The following SDK1 variants were observed in gnomAD, a reference collection of about 807,000 sequenced individuals.
SDK1 encodes protein sidekick-1.
Under a neutral mutation model 245.5 loss-of-function variants are expected in SDK1, and 157 were observed. That is an observed-to-expected ratio of 0.64 (90% CI 0.56 to 0.73). The LOEUF (loss-of-function observed/expected upper bound fraction) is 0.73. Among genes scored for constraint, SDK1 ranks in the 30% least tolerant of loss-of-function variants. The probability of loss-of-function intolerance (pLI) is 0.00; values close to 1 mark genes in which losing one functional copy is unlikely to be tolerated. For missense variants in SDK1, 3,583 were observed against 3,002.3 expected (o/e 1.19, Z -4.52); for synonymous variants, 1,647 against 1,278.5 (o/e 1.29, Z -6.15).
intron 1 of SDK1, among the ~76,000 whole-genome samples, chr7:3,518,829 A>C (rs1291517965): frequency 6.6e-6 from 1 of 152,160 alleles, no homozygotes; most frequent in Non-Finnish European, 1.5e-5. Context: ...CAGTTTATCA[A>C]AGAGATACCT....
intron 4 of SDK1, among the ~76,000 whole-genome samples, chr7:3,741,987 C>CAT (rs142076799): frequency 0.13 from 17,230 of 131,882 alleles, 1,522 homozygotes; most frequent in East Asian, 0.31. Flanking sequence ...TTGTAGTGTG[C>CAT]ATATATATAT....
chr7:3,542,981 A>G (rs1158636241), intron 1 of SDK1, among the ~76,000 whole-genome samples: 2 of 152,208 alleles, frequency 1.3e-5, no homozygotes, highest in South Asian at 2.1e-4. Context: ...CCTGGTGCCA[A>G]GAGCCTCTTT....
At chr7:3,985,176 T>C (rs1410317590) in intron 13 of SDK1, among the ~76,000 whole-genome samples, 1 of 152,216 alleles carries the variant, frequency 6.6e-6, no homozygotes, top group East Asian at 1.9e-4. Flanking sequence ...CCAAGAAGCA[T>C]AAGCTCAGCT....
At chr7:3,819,159 G>A (rs1183919770) in intron 4 of SDK1, among the ~76,000 whole-genome samples, 1 of 151,746 alleles carries the variant, frequency 6.6e-6, no homozygotes, top group Non-Finnish European at 1.5e-5. Flanking sequence ...ACAAAGACTT[G>A]GTTTCTGGGA....
In SDK1 at chr7:4,033,976, ACT is replaced by A. The variant is rs370433023; in HGVS notation, c.2603-15370_2603-15369del. On this transcript the variant is annotated intron_variant, in intron 17 of 44. Coordinates refer to ENST00000404826, the MANE Select transcript of SDK1 (RefSeq NM_152744.4). ...ATCACAAAGGAAAAAAAACGGAGTAACTCGACCCTGGAGAAACCTGGCAGTGA... is the reference window on the plus strand; with the variant it reads ...ATCACAAAGGAAAAAAAACGGAGTAACGACCCTGGAGAAACCTGGCAGTGA... Among the ~76,000 whole-genome samples the A allele has an allele frequency of 2.7e-4, 41 of 152,272 alleles. 1 individual carries two copies. In the East Asian group the frequency reaches 6.2e-3, roughly 23 times the overall value.
At chr7:4,248,139 C>T (rs925795064) in intron 44 of SDK1, among the ~76,000 whole-genome samples, 12 of 152,134 alleles carry the variant, frequency 7.9e-5, no homozygotes, top group Non-Finnish European at 1.6e-4. Flanking sequence ...TAAGCATATA[C>T]ATTCACGTAT....
chr7:3,593,483 G>A (rs933552966), intron 1 of SDK1, among the ~76,000 whole-genome samples: 3 of 152,180 alleles, frequency 2.0e-5, no homozygotes, highest in Non-Finnish European at 4.4e-5. Flanking sequence ...ACTTCTACTT[G>A]TTTTGGAACA....
chr7:3,792,431 C>T (rs1781126012), intron 4 of SDK1, among the ~76,000 whole-genome samples: 1 of 152,224 alleles, frequency 6.6e-6, no homozygotes, highest in African/African-American at 2.4e-5. Flanking sequence ...AGGGCATGCA[C>T]CGTGACTTAT....
chr7:4,036,546 G>T (rs963196299), intron 17 of SDK1, among the ~76,000 whole-genome samples: 1 of 152,092 alleles, frequency 6.6e-6, no homozygotes, highest in Non-Finnish European at 1.5e-5. Context: ...ATTTTGCTTT[G>T]AATCCATACA....
At chr7:3,966,176 G>A (rs1022866676) in intron 9 of SDK1, among the ~76,000 whole-genome samples, 17 of 152,186 alleles carry the variant, frequency 1.1e-4, no homozygotes, top group African/African-American at 3.1e-4. Context: ...ACCTGGACTC[G>A]GGTGGTTGCC....
chr7:3,557,155 T>G (rs551488809), intron 1 of SDK1, among the ~76,000 whole-genome samples: 2 of 151,874 alleles, frequency 1.3e-5, no homozygotes, highest in African/African-American at 2.4e-5. Context: ...AAAAAATCAA[T>G]GTATCAAAAA....
At chr7:3,496,454 TTAAC>T (rs1782029807) in intron 1 of SDK1, among the ~76,000 whole-genome samples, 1 of 151,990 alleles carries the variant, frequency 6.6e-6, no homozygotes. Context: ...CGCTGTGTTT[TTAAC>T]TTTTTTTTTT....
chr7:3,303,574 T>G (rs926571916), intron 1 of SDK1, among the ~76,000 whole-genome samples: 39 of 55,796 alleles, frequency 7.0e-4, no homozygotes, highest in Non-Finnish European at 1.0e-3. Context: ...AACCGAACTT[T>G]GTTAGGAATA....
At chr7:3,493,176 C>T (rs931177855) in intron 1 of SDK1, among the ~76,000 whole-genome samples, 1 of 152,150 alleles carries the variant, frequency 6.6e-6, no homozygotes, top group Non-Finnish European at 1.5e-5. Context: ...TGGTCTCGAT[C>T]TCCTGACCTC....
intron 5 of SDK1, among the ~76,000 whole-genome samples, chr7:3,926,039 G>A (rs1261236411): frequency 1.3e-5 from 2 of 152,232 alleles, no homozygotes; most frequent in Non-Finnish European, 2.9e-5. Flanking sequence ...TGAGGAGGAT[G>A]TTGAGTGACT....
chr7:3,416,927 C>T (rs1286315693), intron 1 of SDK1, among the ~76,000 whole-genome samples: 1 of 152,146 alleles, frequency 6.6e-6, no homozygotes, highest in African/African-American at 2.4e-5. Context: ...AATCCCAGCA[C>T]TTTGGGAGGA....
intron 4 of SDK1, among the ~76,000 whole-genome samples, chr7:3,736,250 C>G (rs909791796): frequency 1.4e-4 from 21 of 152,052 alleles, no homozygotes; most frequent in Non-Finnish European, 2.9e-4. Flanking sequence ...CTAGTTACTT[C>G]TTTTATTTTC....
intron 1 of SDK1, among the ~76,000 whole-genome samples, chr7:3,548,275 GA>G (rs2128622324): frequency 6.6e-6 from 1 of 152,150 alleles, no homozygotes; most frequent in South Asian, 2.1e-4. Flanking sequence ...TATACATCTG[GA>G]AAAAATAATT....
At chr7:4,243,600 C>G (rs186239447) in intron 43 of SDK1, among the ~76,000 whole-genome samples, 266 of 151,820 alleles carry the variant, frequency 1.8e-3, no homozygotes, top group African/African-American at 6.1e-3. Context: ...TAGGGAAACT[C>G]CCCTTTATAA....
Sources: allele counts gnomAD v4.1 joint callset (sites outside exome capture counted in the v4.1 genomes callset), GRCh38; gene constraint gnomAD v4.1.1; transcripts MANE v1.5; gene names NCBI Gene and HGNC (gene_info 2026-07-23, HGNC 2026-07-21).